SAMMSON: variants seen among roughly 807,000 people sequenced by gnomAD.
The protein encoded by SAMMSON is survival associated mitochondrial melanoma specific oncogenic non-coding RNA.
intron 7 of SAMMSON, among the ~76,000 whole-genome samples, chr3:70,349,121 TC>T (rs1226115102): frequency 2.0e-5 from 3 of 152,116 alleles, no homozygotes; most frequent in Non-Finnish European, 4.4e-5. Flanking sequence ...ATGCCTGTAA[TC>T]CCAGCACTTT....
At chr3:70,392,035 G>A (rs1204134937), downstream of SAMMSON, among the ~76,000 whole-genome samples, 1 of 152,084 alleles carries the variant, frequency 6.6e-6, no homozygotes, top group Non-Finnish European at 1.5e-5. Flanking sequence ...CCGCCTTCCT[G>A]TGTCCAACAA....
At chr3:70,052,143 T>C (rs1476375741) in intron 3 of SAMMSON, among the ~76,000 whole-genome samples, 1 of 151,796 alleles carries the variant, frequency 6.6e-6, no homozygotes, top group Non-Finnish European at 1.5e-5. Flanking sequence ...ATTTAAAATA[T>C]ATAACCTATT....
intron 7 of SAMMSON, among the ~76,000 whole-genome samples, chr3:70,340,014 T>A (rs995455969): frequency 5.3e-5 from 8 of 151,892 alleles, no homozygotes; most frequent in Non-Finnish European, 8.8e-5. Context: ...CAAATGTCCA[T>A]CAATGATAGA....
intron 4 of SAMMSON, among the ~76,000 whole-genome samples, chr3:70,186,165 G>A (rs1232859595): frequency 6.6e-6 from 1 of 152,050 alleles, no homozygotes; most frequent in Non-Finnish European, 1.5e-5. Flanking sequence ...AGAAACTGGA[G>A]GACTTATTAA....
intron 2 of SAMMSON, among the ~76,000 whole-genome samples, chr3:70,012,909 C>A (rs1254487889): frequency 6.6e-6 from 1 of 152,080 alleles, no homozygotes; most frequent in Non-Finnish European, 1.5e-5. Flanking sequence ...TACAAGGAAG[C>A]ACCGTTCTTC....
chr3:70,314,075 A>G (rs886826367), intron 7 of SAMMSON, among the ~76,000 whole-genome samples: 1 of 152,036 alleles, frequency 6.6e-6, no homozygotes, highest in African/African-American at 2.4e-5. Context: ...AGATGATCTT[A>G]CCCTTCTCTG....
intron 9 of SAMMSON, among the ~76,000 whole-genome samples, chr3:70,370,494 GC>G (rs1201251781): frequency 2.0e-5 from 3 of 151,874 alleles, no homozygotes; most frequent in Non-Finnish European, 4.4e-5. Flanking sequence ...TTTAGTAATA[GC>G]CATTCTAATT....
At chr3:70,106,049 A>G (rs2067366368) in intron 4 of SAMMSON, among the ~76,000 whole-genome samples, 1 of 152,214 alleles carries the variant, frequency 6.6e-6, no homozygotes, top group Non-Finnish European at 1.5e-5. Context: ...TGCAAGAAAC[A>G]GTGATTTGAG....
intron 7 of SAMMSON, among the ~76,000 whole-genome samples, chr3:70,348,469 C>T (rs1227693764): frequency 6.6e-6 from 1 of 152,088 alleles, no homozygotes; most frequent in Admixed American, 6.5e-5. Flanking sequence ...ACACCGCATC[C>T]TTACATGGCA....
chr3:70,269,198 C>CA (rs1305208309), intron 6 of SAMMSON, among the ~76,000 whole-genome samples: 1 of 151,994 alleles, frequency 6.6e-6, no homozygotes, highest in Non-Finnish European at 1.5e-5. Flanking sequence ...TATTCACATA[C>CA]AATACTCATA....
At chr3:70,253,054 TG>T (rs1701784254) in intron 6 of SAMMSON, among the ~76,000 whole-genome samples, 1 of 151,824 alleles carries the variant, frequency 6.6e-6, no homozygotes, top group Non-Finnish European at 1.5e-5. Flanking sequence ...TACTCCAGCC[TG>T]GGGGACAAGA....
intron 7 of SAMMSON, among the ~76,000 whole-genome samples, chr3:70,336,981 A>C (rs1702666380): frequency 6.8e-6 from 1 of 147,554 alleles, no homozygotes; most frequent in Non-Finnish European, 1.5e-5. Context: ...GTTGCAGAAA[A>C]TCAGAATGAT....
At chr3:70,241,180 G>A (rs962171473) in intron 4 of SAMMSON, among the ~76,000 whole-genome samples, 4 of 152,134 alleles carry the variant, frequency 2.6e-5, no homozygotes, top group African/African-American at 9.7e-5. Context: ...TATTTTGGAA[G>A]AATTGCTAGA....
At chr3:70,200,492 A>AT (rs1701226919) in intron 4 of SAMMSON, among the ~76,000 whole-genome samples, 1 of 152,130 alleles carries the variant, frequency 6.6e-6, no homozygotes, top group Non-Finnish European at 1.5e-5. Flanking sequence ...TTTTGCCTGC[A>AT]TTGCACACCC....
chr3:70,201,218 C>T (rs1701234844), intron 4 of SAMMSON, among the ~76,000 whole-genome samples: 1 of 151,974 alleles, frequency 6.6e-6, no homozygotes, highest in African/African-American at 2.4e-5. Flanking sequence ...CTCCAATAAG[C>T]CCCATTGTGT....
At chr3:70,343,715 A>G (rs1702729254) in intron 7 of SAMMSON, among the ~76,000 whole-genome samples, 1 of 151,968 alleles carries the variant, frequency 6.6e-6, no homozygotes, top group Non-Finnish European at 1.5e-5. Flanking sequence ...GAAGCAAGTC[A>G]CTATGCCCAG....
chr3:70,019,598 G>C (rs550793901), intron 3 of SAMMSON, among the ~76,000 whole-genome samples: 1 of 152,246 alleles, frequency 6.6e-6, no homozygotes, highest in African/African-American at 2.4e-5. Context: ...GGTTAATATT[G>C]TTATGTGTGA....
intron 9 of SAMMSON, among the ~76,000 whole-genome samples, chr3:70,376,358 A>G (rs1435403942): frequency 1.3e-5 from 2 of 152,206 alleles, no homozygotes; most frequent in African/African-American, 2.4e-5. Flanking sequence ...TGCTGGAATG[A>G]AGTTATAAAT....
intron 4 of SAMMSON, among the ~76,000 whole-genome samples, chr3:70,152,122 T>C (rs2067574253): frequency 6.6e-6 from 1 of 151,944 alleles, no homozygotes; most frequent in African/African-American, 2.4e-5. Flanking sequence ...ATTTATAAAA[T>C]AAGATACAGT....
Sources: gnomAD v4.1 joint callset for allele counts (sites outside exome capture counted in the v4.1 genomes callset) on GRCh38, gnomAD v4.1.1 for gene constraint, MANE v1.5 for transcripts, NCBI Gene and HGNC (gene_info 2026-07-23, HGNC 2026-07-21) for gene names.